ADAMTS5: variants seen among roughly 807,000 people sequenced by gnomAD.
ADAMTS5 encodes ADAM metallopeptidase with thrombospondin type 1 motif 5.
A neutral mutation model predicts 81.4 loss-of-function variants in ADAMTS5; 54 were observed. That is an observed-to-expected ratio of 0.66 (90% CI 0.53 to 0.83). ADAMTS5 has a LOEUF of 0.83. ADAMTS5 is among the 40% of genes least tolerant of loss of function. The pLI is 0.00. For synonymous variants in ADAMTS5, 532 were observed against 508.8 expected, an observed-to-expected ratio of 1.05 and a Z score of -0.61; for missense variants, 1,194 against 1,229.9, an observed-to-expected ratio of 0.97 and a Z score of 0.44.
In ADAMTS5 at chr21:26,924,066, A is replaced by G; in HGVS notation, c.2780T>C (p.Leu927Ser). Residue 927 changes from leucine to serine, a missense_variant, in exon 8 of 8, where the codon TTG becomes TCG. This residue lies in a region of ADAMTS5 where 696 missense variants were observed against 817.6 expected (regional missense o/e 0.85). Coordinates refer to ENST00000284987, the MANE Select transcript of ADAMTS5 (RefSeq NM_007038.5). ...QRPSAFKQCL[L>S]KKC The stretch of plus-strand genomic sequence containing the variant: ...CATAACCACAGGCTAACATTTCTTC[A>G]ACAAGCATTGCTTAAACGCAGAAGG... 6.3e-7 allele frequency: 1 copy of G among 1,595,154 alleles called. No homozygotes were observed. The highest frequency in any genetic ancestry group is 1.1e-5 in the South Asian group (1 of 90,200).
intron 7 of ADAMTS5, 152 bp downstream of exon 7, chr21:26,929,734 C>G: frequency 5.5e-4 from 326 of 587,790 alleles, no homozygotes; most frequent in Non-Finnish European, 7.7e-4. Flanking sequence ...TCTCCTGTCT[C>G]TTCCTTCTCA....
chr21:26,950,275 C>T (rs2123194587), intron 2 of ADAMTS5, among the ~76,000 whole-genome samples: 1 of 152,292 alleles, frequency 6.6e-6, no homozygotes, highest in African/African-American at 2.4e-5. Context: ...GCTGGCCCAA[C>T]ATCAATAAAA....
Position 26,932,071 on chromosome 21 carries a change from G to A in ADAMTS5, c.1982C>T (p.Pro661Leu). The change falls in exon 6 of 8, where the codon CCA becomes CTA. Residue 661 changes from proline to leucine, a missense_variant. Transcript: ENST00000284987. The part of the protein sequence containing the change: ...EWVPKYAGVL[P>L]ADVCKLTCRA... ...GCAGGTCAGCTTGCACACATCCGCT[G>A]GCAGGACACCTGCATATTTGGGAAC... is the stretch of plus-strand genomic sequence containing the variant. 1.2e-6 allele frequency: 2 copies of A among 1,614,144 alleles called. No individual in the cohort carries two copies. The highest frequency in any genetic ancestry group is 1.7e-6 in the Non-Finnish European group (2 of 1,180,018).
rs1347517811 is a variant in ADAMTS5, at chr21:26,966,796, G to T, written c.-405C>A. On this transcript the variant is annotated 5_prime_UTR_variant, in exon 1 of 8. Transcript: ENST00000284987. ...GGTACCGCGCACCGGGCTGGCAACT[G>T]GTGCGCGCAGCCTCCCGCCCCCGCG... Among the ~76,000 whole-genome samples, 11 of 152,178 alleles carry T rather than the reference G, an allele frequency of 7.2e-5. No homozygotes were observed. Among genetic ancestry groups the T allele is most frequent in the Non-Finnish European group, 1.6e-4 (11 of 68,038 alleles).
chr21:26,932,767 T>C, intron 5 of ADAMTS5, 94 bp downstream of exon 5: 1 of 1,364,016 alleles, frequency 7.3e-7, no homozygotes, highest in Non-Finnish European at 9.9e-7. Flanking sequence ...CAGTATAAGA[T>C]TAATATTATT....
chr21:26,925,595 T>C (rs1986792399), intron 7 of ADAMTS5, among the ~76,000 whole-genome samples: 1 of 152,184 alleles, frequency 6.6e-6, no homozygotes, highest in East Asian at 1.9e-4. Context: ...TCCACATTTT[T>C]GCCTTTTTAA....
chr21:26,940,735 CG>C (rs1271841428), intron 3 of ADAMTS5, among the ~76,000 whole-genome samples: 1 of 152,004 alleles, frequency 6.6e-6, no homozygotes, highest in African/African-American at 2.4e-5. Flanking sequence ...TTTGTGACAT[CG>C]TTTAGTCTTC....
chr21:26,924,770 T>C (rs1986777063), intron 7 of ADAMTS5, 150 bp from the exon 8 acceptor site: 1 of 682,508 alleles, frequency 1.5e-6, no homozygotes, highest in Non-Finnish European at 2.4e-6. Context: ...AGTTTAAAAT[T>C]GGGTTTAAAA....
At position 26,929,916 on chromosome 21, in the gene ADAMTS5, G is replaced by A. The variant is rs769827647; in HGVS notation, c.2195C>T (p.Thr732Ile). Residue 732 changes from threonine to isoleucine, a missense_variant, in exon 7 of 8, where the codon ACA (threonine) becomes ATA (isoleucine). Thr to Ile is a moderately conservative substitution (Grantham distance 89). Around this residue, in one of 2 missense-constraint regions of ADAMTS5, gnomAD observed 696 missense variants for 817.6 expected, o/e 0.85. Coordinates refer to ENST00000284987, the MANE Select transcript of ADAMTS5 (RefSeq NM_007038.5). The stretch of plus-strand genomic sequence containing the variant: ...CTTATTAAAGGTTCCAACAATCTTT[G>A]TACAGCTGGAGTTGTCTCCTCCACA... ...GVCGGDNSSCTKIVGTFNKKS... is the reference protein window; with the variant it reads ...GVCGGDNSSCIKIVGTFNKKS... The A allele has an allele frequency of 1.2e-6, 2 of 1,613,898 alleles. No individual in the cohort carries two copies. Among genetic ancestry groups the A allele is most frequent in the South Asian group, 1.1e-5 (1 of 91,036 alleles).
intron 1 of ADAMTS5, among the ~76,000 whole-genome samples, chr21:26,959,810 C>T (rs1447832531): frequency 6.6e-6 from 1 of 152,170 alleles, no homozygotes; most frequent in Non-Finnish European, 1.5e-5. Context: ...CTCTATTTCT[C>T]ATTTTTTTCT....
At chr21:26,938,135 G>A (rs1987048284) in intron 3 of ADAMTS5, among the ~76,000 whole-genome samples, 1 of 151,786 alleles carries the variant, frequency 6.6e-6, no homozygotes, top group Non-Finnish European at 1.5e-5. Context: ...AGCTACTCGG[G>A]AGGGAGGCTG....
chr21:26,953,348 G>C (rs886838511), intron 2 of ADAMTS5, among the ~76,000 whole-genome samples: 1 of 152,260 alleles, frequency 6.6e-6, no homozygotes, highest in Non-Finnish European at 1.5e-5. Context: ...AATTATTTAC[G>C]TTTAGGTTTT....
chr21:26,945,340 A>G (rs781543547), intron 2 of ADAMTS5, among the ~76,000 whole-genome samples: 6 of 152,158 alleles, frequency 3.9e-5, no homozygotes, highest in Middle Eastern at 3.2e-3. Context: ...CATAGAAGAA[A>G]AGTGTCCCCA....
At chr21:26,935,386 C>A (rs1986995253) in intron 3 of ADAMTS5, among the ~76,000 whole-genome samples, 2 of 152,130 alleles carry the variant, frequency 1.3e-5, no homozygotes, top group Non-Finnish European at 2.9e-5. Flanking sequence ...CCAGATCTAC[C>A]TTTGAAGGCC....
intron 1 of ADAMTS5, among the ~76,000 whole-genome samples, chr21:26,955,292 C>A (rs576954579): frequency 6.6e-6 from 1 of 152,108 alleles, no homozygotes; most frequent in Non-Finnish European, 1.5e-5. Flanking sequence ...TGCAGCCAGA[C>A]GTCTGCAGCA....
intron 2 of ADAMTS5, among the ~76,000 whole-genome samples, chr21:26,945,959 T>C (rs1438427351): frequency 6.6e-6 from 1 of 152,124 alleles, no homozygotes; most frequent in African/African-American, 2.4e-5. Context: ...AGAGATCGAC[T>C]CTTTTGAGGG....
At chr21:26,950,471 T>C (rs1987296594) in intron 2 of ADAMTS5, among the ~76,000 whole-genome samples, 1 of 152,190 alleles carries the variant, frequency 6.6e-6, no homozygotes, top group South Asian at 2.1e-4. Flanking sequence ...TCGAGGAACA[T>C]GGATGGGGAC....
intron 3 of ADAMTS5, among the ~76,000 whole-genome samples, chr21:26,937,129 C>T (rs1378896263): frequency 2.6e-5 from 4 of 152,198 alleles, no homozygotes; most frequent in Non-Finnish European, 5.9e-5. Flanking sequence ...AACTCACCAC[C>T]TGACTATGCA....
At chr21:26,949,978 T>A (rs1203044867) in intron 2 of ADAMTS5, among the ~76,000 whole-genome samples, 1 of 152,116 alleles carries the variant, frequency 6.6e-6, no homozygotes, top group Non-Finnish European at 1.5e-5. Context: ...AGAAGCAGAG[T>A]CACACACAGA....
Sources: gnomAD v4.1 joint callset for allele counts (sites outside exome capture counted in the v4.1 genomes callset) on GRCh38, gnomAD v4.1.1 for gene constraint, gnomAD v4.1.1 regional missense constraint, MANE v1.5 for transcripts, NCBI Gene and HGNC (gene_info 2026-07-23, HGNC 2026-07-21) for gene names.